Variants in MAP7 observed in about 807,000 individuals in gnomAD.
The protein encoded by MAP7 is ensconsin.
In MAP7, 52 loss-of-function variants were observed where a neutral mutation model predicts 94.8. The ratio of observed to expected loss-of-function variants is 0.55; its 90% confidence interval spans 0.44 to 0.69. The LOEUF is 0.69. Among genes scored for constraint, MAP7 ranks in the 30% least tolerant of loss-of-function variants. MAP7 has a pLI of 0.00. For missense variants in MAP7, 940 were observed against 964.6 expected (o/e 0.97, Z 0.34); for synonymous variants, 350 against 357.0 (o/e 0.98, Z 0.22).
Position 136,406,311 on chromosome 6 carries a change from A to C in MAP7, c.244+5309T>G, listed in dbSNP as rs529052326. On this transcript the variant is annotated intron_variant, in intron 3 of 17. Coordinates refer to ENST00000354570, the MANE Select transcript of MAP7 (RefSeq NM_003980.6). ...TTTAACCACTGTCGAATGGGAGTCA[A>C]CATAGCACCTATGCATCTTATGAAT... is the stretch of plus-strand genomic sequence containing the variant. 4.6e-5 allele frequency among the ~76,000 whole-genome samples: 7 copies of C among 152,334 alleles called. No individual in the cohort carries two copies. The South Asian group carries it at 1.4e-3, about 32-fold the overall frequency.
At chr6:136,399,319 T>C (rs996164304) in intron 3 of MAP7, among the ~76,000 whole-genome samples, 2 of 152,148 alleles carry the variant, frequency 1.3e-5, no homozygotes, top group Non-Finnish European at 2.9e-5. Flanking sequence ...TTTGAGGACA[T>C]GTGTGGGATT....
chr6:136,519,534 A>G (rs1294739590), intron 1 of MAP7, among the ~76,000 whole-genome samples: 2 of 152,232 alleles, frequency 1.3e-5, no homozygotes, highest in Admixed American at 6.5e-5. Context: ...AGAAAAGGAC[A>G]TTACAGTTGC....
chr6:136,360,202 A>C (rs1792168612), intron 13 of MAP7, among the ~76,000 whole-genome samples, 171 bp from the exon 14 acceptor site: 1 of 149,718 alleles, frequency 6.7e-6, no homozygotes, highest in Non-Finnish European at 1.5e-5. Context: ...CGCAGGCTGG[A>C]GTGCCGTGTG....
At chr6:136,369,294 C>T (rs1403095340) in intron 8 of MAP7, among the ~76,000 whole-genome samples, 2 of 152,166 alleles carry the variant, frequency 1.3e-5, no homozygotes, top group Non-Finnish European at 2.9e-5. Flanking sequence ...ATATATGGGG[C>T]TGGGCACTAC....
intron 1 of MAP7, among the ~76,000 whole-genome samples, chr6:136,484,766 C>T (rs1268723427): frequency 6.6e-6 from 1 of 152,194 alleles, no homozygotes; most frequent in Admixed American, 6.5e-5. Context: ...GTGGTGTTAT[C>T]ATAGCTCACT....
At chr6:136,401,249 G>C (rs1290862061) in intron 3 of MAP7, among the ~76,000 whole-genome samples, 2 of 152,188 alleles carry the variant, frequency 1.3e-5, no homozygotes, top group Non-Finnish European at 2.9e-5. Context: ...GTACTTGGGA[G>C]GCTGAGGCAG....
intron 1 of MAP7, among the ~76,000 whole-genome samples, chr6:136,462,220 A>C (rs1805479718): frequency 6.6e-6 from 1 of 152,108 alleles, no homozygotes; most frequent in South Asian, 2.1e-4. Context: ...TCAGTACAAA[A>C]ATTTCAGTTC....
intron 1 of MAP7, among the ~76,000 whole-genome samples, chr6:136,475,369 A>G (rs980019417): frequency 1.3e-5 from 2 of 152,242 alleles, no homozygotes; most frequent in East Asian, 3.8e-4. Context: ...CATAAATTAT[A>G]TAATTGAACA....
intron 5 of MAP7, among the ~76,000 whole-genome samples, chr6:136,386,253 G>A (rs1209187171): frequency 6.6e-6 from 1 of 152,186 alleles, no homozygotes; most frequent in East Asian, 1.9e-4. Context: ...CCTGGTTGCT[G>A]TTCTCAAGAT....
chr6:136,483,387 C>T (rs1813561169), intron 1 of MAP7, among the ~76,000 whole-genome samples: 1 of 151,860 alleles, frequency 6.6e-6, no homozygotes, highest in African/African-American at 2.4e-5. Context: ...GGGGTGAGGA[C>T]TAAAATACTA....
At chr6:136,355,626 T>G (rs1279190814) in intron 16 of MAP7, among the ~76,000 whole-genome samples, 1 of 152,204 alleles carries the variant, frequency 6.6e-6, no homozygotes, top group East Asian at 1.9e-4. Context: ...TGTCTGTACT[T>G]ATCCTGGCCA....
chr6:136,377,016 C>T (rs1299934497), intron 7 of MAP7, among the ~76,000 whole-genome samples: 6 of 152,158 alleles, frequency 3.9e-5, no homozygotes, highest in Admixed American at 2.6e-4. Context: ...AGGAGAGATC[C>T]GTTACCCAAA....
At chr6:136,348,051 A>G (rs1023487967) in intron 16 of MAP7, among the ~76,000 whole-genome samples, 8 of 138,618 alleles carry the variant, frequency 5.8e-5, no homozygotes, top group African/African-American at 2.1e-4. Context: ...CATGCCTAAC[A>G]TCTACTGTTC....
At chr6:136,545,976 G>A (rs1240922217) in intron 1 of MAP7, among the ~76,000 whole-genome samples, 1 of 152,140 alleles carries the variant, frequency 6.6e-6, no homozygotes, top group African/African-American at 2.4e-5. Flanking sequence ...TCAATCTGCT[G>A]TGCTATCAAA....
intron 1 of MAP7, among the ~76,000 whole-genome samples, chr6:136,456,744 A>AAGG (rs1238757592): frequency 0.11 from 7,327 of 66,660 alleles, 1,125 homozygotes; most frequent in Middle Eastern, 0.21. Flanking sequence ...GGAAGAGGAG[A>AAGG]AGGAGGAGGA....
At chr6:136,536,133 G>A (rs192110475) in intron 1 of MAP7, among the ~76,000 whole-genome samples, 16 of 152,194 alleles carry the variant, frequency 1.1e-4, no homozygotes, top group Admixed American at 1.0e-3. Flanking sequence ...CTTAAAATTT[G>A]TAACTGCTAA....
At chr6:136,522,801 G>A (rs1386716145) in intron 1 of MAP7, among the ~76,000 whole-genome samples, 1 of 152,218 alleles carries the variant, frequency 6.6e-6, no homozygotes, top group African/African-American at 2.4e-5. Flanking sequence ...GGAGGCCAAG[G>A]TGGGAGGATC....
chr6:136,480,641 CAAAAAAAAAAAA>C (rs769951186), intron 1 of MAP7, among the ~76,000 whole-genome samples: 6 of 20,148 alleles, frequency 3.0e-4, no homozygotes, highest in Non-Finnish European at 1.8e-4. Flanking sequence ...GACTCTGCCT[CAAAAAAAAAAAA>C]AAAAAAAAAA....
At chr6:136,489,055 C>T (rs1815668359) in intron 1 of MAP7, among the ~76,000 whole-genome samples, 1 of 152,134 alleles carries the variant, frequency 6.6e-6, no homozygotes, top group South Asian at 2.1e-4. Flanking sequence ...CATCCAGCTC[C>T]GATTTCTGGT....
Sources: allele counts gnomAD v4.1 joint callset (sites outside exome capture counted in the v4.1 genomes callset), GRCh38; gene constraint gnomAD v4.1.1; transcripts MANE v1.5; gene names NCBI Gene and HGNC (gene_info 2026-07-23, HGNC 2026-07-21).